The following YJU2 variants were observed in gnomAD, a reference collection of about 807,000 sequenced individuals.
The protein encoded by YJU2 is YJU2 splicing factor homolog.
Under a neutral mutation model 39.6 loss-of-function variants are expected in YJU2, and 28 were observed. The ratio of observed to expected loss-of-function variants is 0.71; its 90% confidence interval spans 0.52 to 0.97. The LOEUF (loss-of-function observed/expected upper bound fraction) is 0.97. Among genes scored for constraint, YJU2 ranks in the 50% least tolerant of loss-of-function variants. The pLI, the probability that YJU2 is intolerant of heterozygous loss-of-function variation, is 0.00. For synonymous variants in YJU2, 184 were observed against 182.4 expected, an observed-to-expected ratio of 1.01 and a Z score of -0.07; for missense variants, 328 against 430.4, an observed-to-expected ratio of 0.76 and a Z score of 2.11.
At chr19:4,258,639 G>A (rs1971043983) in intron 5 of YJU2, among the ~76,000 whole-genome samples, 1 of 152,266 alleles carries the variant, frequency 6.6e-6, no homozygotes, top group South Asian at 2.1e-4. Context: ...CCGCATGGCT[G>A]CGGTTTGTCA....
intron 5 of YJU2, among the ~76,000 whole-genome samples, chr19:4,260,487 A>G (rs1028620149): frequency 4.9e-5 from 7 of 141,664 alleles, no homozygotes; most frequent in Non-Finnish European, 9.2e-5. Flanking sequence ...CCGTAATCCC[A>G]GCACTTTGGG....
chr19:4,252,927 A>C (rs1970988874), intron 3 of YJU2, among the ~76,000 whole-genome samples: 1 of 152,054 alleles, frequency 6.6e-6, no homozygotes, highest in Non-Finnish European at 1.5e-5. Flanking sequence ...CCCTGTCTGC[A>C]AAAAAACAAA....
chr19:4,253,052 G>A (rs778338862), intron 3 of YJU2, among the ~76,000 whole-genome samples: 2 of 152,006 alleles, frequency 1.3e-5, no homozygotes, highest in Non-Finnish European at 2.9e-5. Context: ...TATATAACCA[G>A]GGTACATCTG....
chr19:4,253,997 A>G (rs1970998630), intron 3 of YJU2, among the ~76,000 whole-genome samples: 1 of 152,114 alleles, frequency 6.6e-6, no homozygotes, highest in South Asian at 2.1e-4. Context: ...TTTAGTAGAG[A>G]CAGGGTTTCT....
chr19:4,252,150 CT>C (rs61185090), intron 3 of YJU2, among the ~76,000 whole-genome samples: 4,408 of 151,854 alleles, frequency 0.029, 163 homozygotes, highest in African/African-American at 0.083. Context: ...TTGCCATAAG[CT>C]TTTTTTCTTT....
chr19:4,247,395 T>A (rs1198103547), intron 1 of YJU2: 2 of 499,534 alleles, frequency 4.0e-6, no homozygotes, highest in African/African-American at 4.0e-5. Flanking sequence ...GTTAGTCACC[T>A]GCGGGGCGTG....
rs1190131405 is a variant in YJU2 at position 4,247,648 on chromosome 19, T to G, written c.24+478T>G. Among the ~76,000 whole-genome samples the G allele has an allele frequency of 5.5e-5, 3 of 54,868 alleles. 1 individual carries two copies. The highest frequency in any genetic ancestry group is 9.6e-5 in the Non-Finnish European group (3 of 31,194). 36.0% of individuals were successfully genotyped at this position (54,868 alleles called of 152,430 possible). On this transcript the variant is annotated intron_variant, in intron 1 of 7. Coordinates refer to ENST00000262962, the MANE Select transcript of YJU2 (RefSeq NM_018074.6). ...GTGTGTGTGTGTGTGTGTGTGTGTG[T>G]GTGTGTGTGTGTGTGTGTGTGTGTG...
Position 4,269,074 on chromosome 19 carries a change from A to C in YJU2, c.*378A>C. The C allele has an allele frequency of 1.6e-5, 3 of 184,412 alleles. No individual in the cohort carries two copies. Among genetic ancestry groups the C allele is most frequent in the Non-Finnish European group, 3.4e-5 (3 of 87,730 alleles). The allele number at this position is 184,412 out of a possible 1,614,324, so 11.4% of individuals were successfully genotyped here. On this transcript the variant is annotated 3_prime_UTR_variant, in exon 8 of 8. Coordinates refer to ENST00000262962, the MANE Select transcript of YJU2 (RefSeq NM_018074.6). ...TCCACAAACTGTCTAGAACCAATAA[A>C]AGGAAACCTGCCAACCGCCTGGGCC...
chr19:4,249,386 G>A, intron 2 of YJU2, 58 bp downstream of exon 2: 3 of 1,159,862 alleles, frequency 2.6e-6, no homozygotes, highest in Non-Finnish European at 2.6e-6. Context: ...GCAGTGCCTG[G>A]CATCCACAGA....
In YJU2 at chr19:4,255,223, C is replaced by CA. The variant is rs200447455; in HGVS notation, c.405+742dup. 2.0e-3 allele frequency among the ~76,000 whole-genome samples: 305 copies of CA among 151,314 alleles called. 1 individual carries two copies. Among genetic ancestry groups the CA allele is most frequent in the African/African-American group, 7.0e-3 (288 of 41,216 alleles). On this transcript the variant is annotated intron_variant, in intron 4 of 7. Transcript: ENST00000262962. Reference sequence around the variant, plus strand: ...TGGGCAGCAAAGCAAGACTCTGTCTCAAAAAAAATAAATAAATAAAAGAAA... The same window carrying CA: ...TGGGCAGCAAAGCAAGACTCTGTCTCAAAAAAAAATAAATAAATAAAAGAAA...
At chr19:4,267,473 G>A (rs1971124180) in intron 6 of YJU2, 151 bp from the exon 7 acceptor site, 4 of 777,932 alleles carry the variant, frequency 5.1e-6, no homozygotes, top group East Asian at 5.4e-5. Flanking sequence ...AGGGCAGTGG[G>A]GAGCCATAGA....
chr19:4,259,788 C>T (rs893958756), intron 5 of YJU2, among the ~76,000 whole-genome samples: 10 of 152,230 alleles, frequency 6.6e-5, no homozygotes, highest in Admixed American at 3.3e-4. Context: ...AGGACAGGGA[C>T]GTGGTGGCCT....
At chr19:4,251,384 G>C (rs1176928460) in intron 3 of YJU2, among the ~76,000 whole-genome samples, 1 of 152,098 alleles carries the variant, frequency 6.6e-6, no homozygotes, top group African/African-American at 2.4e-5. Flanking sequence ...TAATAATAAG[G>C]GATGAGAAGA....
At chr19:4,258,173 G>T in intron 4 of YJU2, 69 bp from the exon 5 acceptor site, 1 of 1,518,316 alleles carries the variant, frequency 6.6e-7, no homozygotes, top group East Asian at 2.5e-5. Context: ...AGTGGCCCCC[G>T]AGGCCAGACA....
chr19:4,261,594 G>C (rs1331785500), intron 5 of YJU2, among the ~76,000 whole-genome samples: 1 of 152,112 alleles, frequency 6.6e-6, no homozygotes, highest in African/African-American at 2.4e-5. Flanking sequence ...CTGGGAGGTG[G>C]GGGTTGCAGT....
chr19:4,262,678 G>A (rs137879661), intron 6 of YJU2, among the ~76,000 whole-genome samples: 1 of 152,190 alleles, frequency 6.6e-6, no homozygotes, highest in Non-Finnish European at 1.5e-5. Flanking sequence ...GGAGGCCAAG[G>A]CAGGAGGATC....
At chr19:4,248,863 G>A (rs1224906073) in intron 1 of YJU2, among the ~76,000 whole-genome samples, 1 of 152,116 alleles carries the variant, frequency 6.6e-6, no homozygotes, top group African/African-American at 2.4e-5. Context: ...AGGTTGCAGT[G>A]AGCCAAGATC....
In YJU2 at chr19:4,268,672, T is replaced by C. The variant is rs1215790248; in HGVS notation, c.948T>C (p.Ser316=). ...GCCAACTGGGTGCATACCTGGACAGTGACGACAGCAACGGCAGCAACTGAG... is the reference window on the plus strand; with the variant it reads ...GCCAACTGGGTGCATACCTGGACAGCGACGACAGCAACGGCAGCAACTGAG... ...SLSQLGAYLD[S]DDSNGSN is the part of the protein sequence containing the mutation. Residue 316 remains serine, a synonymous_variant, in exon 8 of 8, where the codon AGT becomes AGC. Transcript: ENST00000262962. 1 of 1,613,638 alleles carries C rather than the reference T, an allele frequency of 6.2e-7. No homozygotes were observed. Among genetic ancestry groups the C allele is most frequent in the East Asian group, 2.2e-5 (1 of 44,884 alleles).
At chr19:4,252,809 C>G (rs1318530574) in intron 3 of YJU2, among the ~76,000 whole-genome samples, 1 of 151,834 alleles carries the variant, frequency 6.6e-6, no homozygotes, top group East Asian at 1.9e-4. Context: ...GCCTATAGTC[C>G]TAGCTACTTG....
Sources: allele counts gnomAD v4.1 joint callset (sites outside exome capture counted in the v4.1 genomes callset), GRCh38; gene constraint gnomAD v4.1.1; transcripts MANE v1.5; gene names NCBI Gene and HGNC (gene_info 2026-07-23, HGNC 2026-07-21).